Variants in MOB3B observed in about 807,000 individuals in gnomAD.
The protein encoded by MOB3B is MOB kinase activator-like 2B.
A neutral mutation model predicts 18.7 loss-of-function variants in MOB3B; 7 were observed. The ratio of observed to expected loss-of-function variants is 0.37; its 90% CI spans 0.21 to 0.70. The LOEUF is 0.70. MOB3B is among the 30% of genes least tolerant of loss of function. The pLI is 0.52. For synonymous variants in MOB3B, 111 were observed against 99.9 expected, an observed-to-expected ratio of 1.11 and a Z score of -0.66; for missense variants, 253 against 281.3, an observed-to-expected ratio of 0.90 and a Z score of 0.72.
intron 1 of MOB3B, among the ~76,000 whole-genome samples, chr9:27,528,307 C>T (rs1297394594): frequency 6.6e-6 from 1 of 152,272 alleles, no homozygotes; most frequent in Non-Finnish European, 1.5e-5. Flanking sequence ...AGCAGCGGCC[C>T]AGCCCCAACG....
At chr9:27,415,240 C>G (rs1587195193) in intron 2 of MOB3B, among the ~76,000 whole-genome samples, 1 of 152,164 alleles carries the variant, frequency 6.6e-6, no homozygotes, top group East Asian at 1.9e-4. Context: ...TATGTAAAGA[C>G]AAATATGACA....
At position 27,381,985 on chromosome 9, in the gene MOB3B, C is replaced by T. The variant is rs150170580; in HGVS notation, c.419-22749G>A. 7.0e-4 allele frequency among the ~76,000 whole-genome samples: 107 copies of T among 152,224 alleles called. 1 individual carries two copies. Among genetic ancestry groups the T allele is most frequent in the African/African-American group, 2.5e-3 (105 of 41,536 alleles). The stretch of plus-strand genomic sequence containing the variant: ...ATGAGGGGTGGACATTAACCTGATA[C>T]GAGTGGGCATTCTCTAGCTTCGGGC... On this transcript the variant is annotated intron_variant, in intron 2 of 3. Transcript: ENST00000262244.
chr9:27,359,821 A>G lies in MOB3B; in HGVS notation c.419-585T>C, dbSNP rs112966342. ...GTGAGTGGTCATCGAAGTCACTCAGATTTCCCGTCTGATGACCACTACTCC... is the reference window on the plus strand; with the variant it reads ...GTGAGTGGTCATCGAAGTCACTCAGGTTTCCCGTCTGATGACCACTACTCC... On this transcript the variant is annotated intron_variant, in intron 2 of 3. Transcript: ENST00000262244. Among the ~76,000 whole-genome samples, 288 of 152,286 alleles carry G rather than the reference A, an allele frequency of 1.9e-3. 2 individuals are homozygous for G. The highest frequency in any genetic ancestry group is 6.2e-3 in the African/African-American group (256 of 41,558).
At chr9:27,332,744 G>A (rs1820806674) in intron 3 of MOB3B, among the ~76,000 whole-genome samples, 1 of 152,180 alleles carries the variant, frequency 6.6e-6, no homozygotes, top group Admixed American at 6.5e-5. Context: ...AGTAAGATTT[G>A]CCATCTCTAC....
chr9:27,506,962 G>A (rs1820071373), intron 1 of MOB3B, among the ~76,000 whole-genome samples: 1 of 151,554 alleles, frequency 6.6e-6, no homozygotes, highest in Non-Finnish European at 1.5e-5. Context: ...TTACAGGGAT[G>A]AGCCACTGCG....
chr9:27,377,832 CA>C (rs1821511393), intron 2 of MOB3B, among the ~76,000 whole-genome samples: 1 of 152,220 alleles, frequency 6.6e-6, no homozygotes, highest in Non-Finnish European at 1.5e-5. Flanking sequence ...CCCAGAGTAA[CA>C]CTGGCCAACT....
At chr9:27,409,369 T>C (rs1003378992) in intron 2 of MOB3B, among the ~76,000 whole-genome samples, 2 of 152,188 alleles carry the variant, frequency 1.3e-5, no homozygotes, top group African/African-American at 4.8e-5. Context: ...TGTTTGATCA[T>C]AACCATGATG....
In MOB3B at chr9:27,330,988, A is replaced by T. The variant is rs987443096; in HGVS notation, c.622-372T>A. ...TGCCACTCCCACCTGACTTCCCAGC[A>T]GGAGCCATGTAGCACTTATGAACTG... On this transcript the variant is annotated intron_variant, in intron 3 of 3. Coordinates refer to ENST00000262244, the MANE Select transcript of MOB3B (RefSeq NM_024761.5). Among the ~76,000 whole-genome samples the T allele has an allele frequency of 2.0e-5, 3 of 152,202 alleles. 1 individual carries two copies. The highest frequency in any genetic ancestry group is 4.4e-5 in the Non-Finnish European group (3 of 68,044).
At chr9:27,350,900 C>CTTT (rs36005041) in intron 3 of MOB3B, among the ~76,000 whole-genome samples, 2 of 131,898 alleles carry the variant, frequency 1.5e-5, no homozygotes, top group Non-Finnish European at 1.6e-5. Context: ...CCATGGTGGG[C>CTTT]TTTTTTTTTT....
At chr9:27,498,820 T>C (rs1389000254) in intron 1 of MOB3B, among the ~76,000 whole-genome samples, 3 of 152,174 alleles carry the variant, frequency 2.0e-5, no homozygotes, top group Non-Finnish European at 4.4e-5. Context: ...TTAAGCGTAA[T>C]TGGAAATCTA....
intron 1 of MOB3B, among the ~76,000 whole-genome samples, chr9:27,458,275 T>C (rs1423186074): frequency 6.6e-6 from 1 of 152,066 alleles, no homozygotes; most frequent in African/African-American, 2.4e-5. Context: ...TCTGCTTGCA[T>C]GGACACCATT....
At chr9:27,442,629 C>T (rs1202596553) in intron 2 of MOB3B, among the ~76,000 whole-genome samples, 1 of 152,158 alleles carries the variant, frequency 6.6e-6, no homozygotes, top group East Asian at 1.9e-4. Context: ...AGGGACCTCC[C>T]CTCTTTGCCC....
At chr9:27,375,776 A>G (rs1429540096) in intron 2 of MOB3B, among the ~76,000 whole-genome samples, 2 of 152,188 alleles carry the variant, frequency 1.3e-5, no homozygotes, top group Non-Finnish European at 2.9e-5. Context: ...TCACATTTCC[A>G]GGTCCCAAAG....
At chr9:27,346,085 G>A (rs1331954933) in intron 3 of MOB3B, among the ~76,000 whole-genome samples, 1 of 152,226 alleles carries the variant, frequency 6.6e-6, no homozygotes. Flanking sequence ...CCACCCTCAT[G>A]AATGGGATTA....
At chr9:27,376,439 GCA>G (rs1412329489) in intron 2 of MOB3B, among the ~76,000 whole-genome samples, 1 of 152,190 alleles carries the variant, frequency 6.6e-6, no homozygotes, top group Admixed American at 6.5e-5. Context: ...GGTACCCGTT[GCA>G]CACACTGAGT....
In MOB3B at chr9:27,479,551, A is replaced by G. The variant is rs542815703; in HGVS notation, c.-198-23803T>C. Among the ~76,000 whole-genome samples the G allele has an allele frequency of 1.4e-3, 215 of 152,338 alleles. 1 individual carries two copies. Among genetic ancestry groups the G allele is most frequent in the Non-Finnish European group, 2.6e-3 (178 of 68,034 alleles). On this transcript the variant is annotated intron_variant, in intron 1 of 3. Coordinates refer to ENST00000262244, the MANE Select transcript of MOB3B (RefSeq NM_024761.5). ...AATATTAAAGAATAATAACTTCGAT[A>G]TGAAGGAAACTAAGAAAAAGATAAA...
intron 2 of MOB3B, among the ~76,000 whole-genome samples, chr9:27,377,592 T>G (rs898635620): frequency 6.6e-6 from 1 of 152,040 alleles, no homozygotes; most frequent in Non-Finnish European, 1.5e-5. Flanking sequence ...TTTCAGTGAG[T>G]CTGGGGAGGG....
At chr9:27,403,373 T>G (rs370430511) in intron 2 of MOB3B, among the ~76,000 whole-genome samples, 2 of 152,170 alleles carry the variant, frequency 1.3e-5, no homozygotes, top group East Asian at 3.9e-4. Context: ...TCAGTTACTT[T>G]AAATTATTTA....
chr9:27,502,043 A>G (rs962999453), intron 1 of MOB3B, among the ~76,000 whole-genome samples: 1 of 152,208 alleles, frequency 6.6e-6, no homozygotes, highest in Non-Finnish European at 1.5e-5. Flanking sequence ...TTTTTTTGCC[A>G]TCAATTTGCC....
Sources: allele counts gnomAD v4.1 joint callset (sites outside exome capture counted in the v4.1 genomes callset), GRCh38; gene constraint gnomAD v4.1.1; transcripts MANE v1.5; gene names NCBI Gene and HGNC (gene_info 2026-07-23, HGNC 2026-07-21).